Variants in JAKMIP1 observed in about 807,000 individuals in gnomAD.
The protein encoded by JAKMIP1 is janus kinase and microtubule-interacting protein 1.
JAKMIP1 carries 33 observed loss-of-function variants against 113.0 expected under a neutral mutation model. The observed-to-expected ratio is 0.29, with a 90% CI of 0.22 to 0.39. JAKMIP1 has a LOEUF of 0.39. Ranked by LOEUF, JAKMIP1 falls within the 10% of genes least tolerant of loss-of-function variation. The probability of loss-of-function intolerance (pLI) is 1.00; values close to 1 mark genes in which losing one functional copy is unlikely to be tolerated. For synonymous variants in JAKMIP1, 480 were observed against 459.9 expected (o/e 1.04, Z -0.56); for missense variants, 813 against 1,080.5 (o/e 0.75, Z 3.47).
chr4:6,096,287 T>C (rs1324834427), intron 3 of JAKMIP1, among the ~76,000 whole-genome samples: 1 of 152,270 alleles, frequency 6.6e-6, no homozygotes, highest in South Asian at 2.1e-4. Flanking sequence ...GTTAAACTAA[T>C]TTTTATATTT....
At position 6,188,348 on chromosome 4, in the gene JAKMIP1, G is replaced by T. The variant is rs758919144; in HGVS notation, c.-148+11905C>A. Among the ~76,000 whole-genome samples, 1 of 152,212 alleles carries T rather than the reference G, an allele frequency of 6.6e-6. No individual in the cohort carries two copies. Among genetic ancestry groups the T allele is most frequent in the Non-Finnish European group, 1.5e-5 (1 of 68,038 alleles). On this transcript the variant is annotated intron_variant, in intron 1 of 20. Transcript: ENST00000409021. This position sits in a 1 kb window ranked among gnomAD's most constrained non-coding sequence, Gnocchi z 5.8. ...ATGGTCAGGATTCAGAACAGAATCC[G>T]CAATGATGGCGTTTTCAAGTGCTGT...
Position 6,188,372 on chromosome 4 carries a change from G to A in JAKMIP1, c.-148+11881C>T, listed in dbSNP as rs1028291282. On this transcript the variant is annotated intron_variant, in intron 1 of 20. Coordinates refer to ENST00000409021, the MANE Select transcript of JAKMIP1 (RefSeq NM_001099433.2). This position sits in a 1 kb window ranked among gnomAD's most constrained non-coding sequence, Gnocchi z 5.8. The stretch of plus-strand genomic sequence containing the variant: ...CGCAATGATGGCGTTTTCAAGTGCT[G>A]TGGCACTGTTCTCACAGACACCTGC... Among the ~76,000 whole-genome samples, 1 of 152,258 alleles carries A rather than the reference G, an allele frequency of 6.6e-6. No individual in the cohort carries two copies. Among genetic ancestry groups the A allele is most frequent in the Non-Finnish European group, 1.5e-5 (1 of 68,056 alleles).
chr4:6,034,039 C>T (rs1713079971), intron 19 of JAKMIP1, among the ~76,000 whole-genome samples: 1 of 149,786 alleles, frequency 6.7e-6, no homozygotes, highest in South Asian at 2.1e-4. Flanking sequence ...TCTGTTTAAG[C>T]TGGTTTGAAG....
rs926921990 is a variant in JAKMIP1, at chr4:6,183,883, G to A, written c.-148+16370C>T. ...CTCCCAAAAACGGAATCACAAATGC[G>A]GTATGCAAATCGTCACAACAGAATA... On this transcript the variant is annotated intron_variant, in intron 1 of 20. Coordinates refer to ENST00000409021, the MANE Select transcript of JAKMIP1 (RefSeq NM_001099433.2). The surrounding 1 kb of genome is among the most constrained non-coding windows in gnomAD (Gnocchi z 5.3). 3.9e-5 allele frequency among the ~76,000 whole-genome samples: 6 copies of A among 152,036 alleles called. No homozygotes were observed. Among genetic ancestry groups the A allele is most frequent in the Non-Finnish European group, 7.4e-5 (5 of 68,022 alleles).
rs1328409280 is a variant in JAKMIP1 at position 6,097,937 on chromosome 4, T to A, written c.624+7536A>T. ...GTGGAACCGGAAAGAATAATTAAAATGCAATGCCCTTTATGGCTCACTTAC... is the reference window on the plus strand; with the variant it reads ...GTGGAACCGGAAAGAATAATTAAAAAGCAATGCCCTTTATGGCTCACTTAC... On this transcript the variant is annotated intron_variant, in intron 3 of 20. Coordinates refer to ENST00000409021, the MANE Select transcript of JAKMIP1 (RefSeq NM_001099433.2). The surrounding 1 kb of genome is among the most constrained non-coding windows in gnomAD (Gnocchi z 4.3). Among the ~76,000 whole-genome samples, 1 of 152,216 alleles carries A rather than the reference T, an allele frequency of 6.6e-6. No individual in the cohort carries two copies. Among genetic ancestry groups the A allele is most frequent in the African/African-American group, 2.4e-5 (1 of 41,462 alleles).
rs1263026421 is a variant in JAKMIP1, at chr4:6,178,262, T to G, written c.-148+21991A>C. 6.6e-6 allele frequency among the ~76,000 whole-genome samples: 1 copy of G among 152,254 alleles called. No individual in the cohort carries two copies. Among genetic ancestry groups the G allele is most frequent in the Non-Finnish European group, 1.5e-5 (1 of 68,044 alleles). On this transcript the variant is annotated intron_variant, in intron 1 of 20. Coordinates refer to ENST00000409021, the MANE Select transcript of JAKMIP1 (RefSeq NM_001099433.2). This position sits in a 1 kb window ranked among gnomAD's most constrained non-coding sequence, Gnocchi z 5.5. ...TGGCTACCTTTCAGGTAAGCAGCTT[T>G]TCCTTTGTTACCCTACGATATGGTT...
chr4:6,089,826 C>G lies in JAKMIP1; in HGVS notation c.625-4197G>C, dbSNP rs982354080. Among the ~76,000 whole-genome samples, 1 of 152,168 alleles carries G rather than the reference C, an allele frequency of 6.6e-6. No homozygotes were observed. The highest frequency in any genetic ancestry group is 1.5e-5 in the Non-Finnish European group (1 of 68,020). On this transcript the variant is annotated intron_variant, in intron 3 of 20. Transcript: ENST00000409021. This position sits in a 1 kb window ranked among gnomAD's most constrained non-coding sequence, Gnocchi z 5.3. ...ATGTCCCCCAAAATGTCACATCTACCCCGAAAATCAGAATGTCACCTTACT... is the reference window on the plus strand; with the variant it reads ...ATGTCCCCCAAAATGTCACATCTACGCCGAAAATCAGAATGTCACCTTACT...
chr4:6,172,991 G>A (rs1411044061), intron 1 of JAKMIP1, among the ~76,000 whole-genome samples: 1 of 152,222 alleles, frequency 6.6e-6, no homozygotes, highest in Non-Finnish European at 1.5e-5. Context: ...CCTGGAGGAG[G>A]TGATGCCCCA....
chr4:6,147,885 T>C (rs1434829575), intron 1 of JAKMIP1, among the ~76,000 whole-genome samples: 2 of 152,260 alleles, frequency 1.3e-5, no homozygotes, highest in Non-Finnish European at 2.9e-5. Flanking sequence ...CAATTGTTCA[T>C]TCATTCAACA....
chr4:6,102,758 G>T (rs1352189769), intron 3 of JAKMIP1, among the ~76,000 whole-genome samples: 1 of 106,126 alleles, frequency 9.4e-6, no homozygotes, highest in African/African-American at 4.4e-5. Flanking sequence ...TTTTGAGAGG[G>T]AGTCTCACTC....
intron 13 of JAKMIP1, 61 bp downstream of exon 13, chr4:6,053,989 G>C: frequency 1.2e-6 from 2 of 1,613,178 alleles, no homozygotes; most frequent in South Asian, 1.1e-5. Context: ...ATGAATTTCA[G>C]TTTGGGTTCA....
rs1263038845 is a variant in JAKMIP1 at position 6,081,065 on chromosome 4, C to T, written c.1101+544G>A. On this transcript the variant is annotated intron_variant, in intron 6 of 20. Transcript: ENST00000409021. This position sits in a 1 kb window ranked among gnomAD's most constrained non-coding sequence, Gnocchi z 4.6. ...AGAGCATGTGTGGTGACAGAGCCTCCGTCTTCCCGGCTGTGAAGTGGGGGT... is the reference window on the plus strand; with the variant it reads ...AGAGCATGTGTGGTGACAGAGCCTCTGTCTTCCCGGCTGTGAAGTGGGGGT... 6.6e-6 allele frequency among the ~76,000 whole-genome samples: 1 copy of T among 151,172 alleles called. No homozygotes were observed. The highest frequency in any genetic ancestry group is 2.4e-5 in the African/African-American group (1 of 40,980).
intron 1 of JAKMIP1, among the ~76,000 whole-genome samples, chr4:6,170,875 C>T: frequency 6.6e-6 from 1 of 150,596 alleles, no homozygotes; most frequent in Non-Finnish European, 1.5e-5. Flanking sequence ...CCATCACAAT[C>T]ACCTCCATCA....
At chr4:6,100,352 C>T (rs982203281) in intron 3 of JAKMIP1, among the ~76,000 whole-genome samples, 3 of 152,176 alleles carry the variant, frequency 2.0e-5, no homozygotes, top group Non-Finnish European at 4.4e-5. Context: ...TTGTGTCTAG[C>T]TTCTATCATT....
rs1326745060 is a variant in JAKMIP1 at position 6,150,702 on chromosome 4, G to T, written c.-147-37705C>A. Among the ~76,000 whole-genome samples, 2 of 152,168 alleles carry T rather than the reference G, an allele frequency of 1.3e-5. No individual in the cohort carries two copies. The highest frequency in any genetic ancestry group is 4.8e-5 in the African/African-American group (2 of 41,450). On this transcript the variant is annotated intron_variant, in intron 1 of 20. Transcript: ENST00000409021. This position sits in a 1 kb window ranked among gnomAD's most constrained non-coding sequence, Gnocchi z 4.8. Reference sequence around the variant, plus strand: ...CTGGGCCCCAGAAAACTGCCCTGATGCTACAGGTAGGAAGAAAAATCTTTT... The same window carrying T: ...CTGGGCCCCAGAAAACTGCCCTGATTCTACAGGTAGGAAGAAAAATCTTTT...
rs954031241 is a variant in JAKMIP1, at chr4:6,031,816, T to C, written c.2380-2035A>G. Reference sequence around the variant, plus strand: ...TATTCTGCCTCCCTGAGGCTTGGTGTCCTTATCTATAGATGGGTGCTGCCC... The same window carrying C: ...TATTCTGCCTCCCTGAGGCTTGGTGCCCTTATCTATAGATGGGTGCTGCCC... On this transcript the variant is annotated intron_variant, in intron 19 of 20. Transcript: ENST00000409021. The surrounding 1 kb of genome is among the most constrained non-coding windows in gnomAD (Gnocchi z 4.4). Among the ~76,000 whole-genome samples the C allele has an allele frequency of 5.3e-5, 8 of 152,236 alleles. No homozygotes were observed. Among genetic ancestry groups the C allele is most frequent in the Non-Finnish European group, 5.9e-5 (4 of 68,046 alleles).
Position 6,185,932 on chromosome 4 carries a change from C to G in JAKMIP1, c.-148+14321G>C, listed in dbSNP as rs1281128155. 1.3e-5 allele frequency among the ~76,000 whole-genome samples: 2 copies of G among 152,184 alleles called. No individual in the cohort carries two copies. The highest frequency in any genetic ancestry group is 2.4e-5 in the African/African-American group (1 of 41,442). ...TTATAGACTACAATTAAATATGACA[C>G]TAGTTCAGACTGGACTTTTTTTTAA... On this transcript the variant is annotated intron_variant, in intron 1 of 20. Coordinates refer to ENST00000409021, the MANE Select transcript of JAKMIP1 (RefSeq NM_001099433.2). This position sits in a 1 kb window ranked among gnomAD's most constrained non-coding sequence, Gnocchi z 5.3.
intron 20 of JAKMIP1, among the ~76,000 whole-genome samples, chr4:6,027,485 C>T (rs866721544): frequency 2.0e-5 from 3 of 152,082 alleles, no homozygotes; most frequent in South Asian, 2.1e-4. Context: ...CTGGCAATGA[C>T]GAAGGGACCA....
In JAKMIP1 at chr4:6,049,028, A is replaced by G; in HGVS notation, c.1963-106T>C. 1.2e-6 allele frequency: 1 copy of G among 847,074 alleles called. No homozygotes were observed. The highest frequency in any genetic ancestry group is 2.0e-6 in the Non-Finnish European group (1 of 511,154). 52.5% of individuals were successfully genotyped at this position (847,074 alleles called of 1,614,324 possible). Reference sequence around the variant, plus strand: ...TTTTTTCGTTGTTGTTGTTTGTTTTATTATGTTTGTTTGTTTTGAGACGGA... The same window carrying G: ...TTTTTTCGTTGTTGTTGTTTGTTTTGTTATGTTTGTTTGTTTTGAGACGGA... On this transcript the variant is annotated intron_variant, in intron 15 of 20. Transcript: ENST00000409021. The surrounding 1 kb of genome is among the most constrained non-coding windows in gnomAD (Gnocchi z 7.0).
Sources: allele counts gnomAD v4.1 joint callset (sites outside exome capture counted in the v4.1 genomes callset), GRCh38; gene constraint gnomAD v4.1.1; non-coding constraint Gnocchi (gnomAD v3.1); transcripts MANE v1.5; gene names NCBI Gene and HGNC (gene_info 2026-07-23, HGNC 2026-07-21).